The following INCENP variants were observed in gnomAD, a reference collection of about 807,000 sequenced individuals.
The protein encoded by INCENP is binds and activates aurora-B and -C in vivo and in vitro.
In INCENP, 43 loss-of-function variants were observed where a neutral mutation model predicts 107.3. The observed-to-expected ratio is 0.40, with a 90% CI of 0.31 to 0.52. The LOEUF (loss-of-function observed/expected upper bound fraction) is 0.52, where lower values mean the gene tolerates loss of function less well. INCENP is among the 20% of genes least tolerant of loss of function. The pLI, the probability that INCENP is intolerant of heterozygous loss-of-function variation, is 0.53. For synonymous variants in INCENP, 488 were observed against 494.4 expected, an observed-to-expected ratio of 0.99 and a Z score of 0.17; for missense variants, 1,089 against 1,250.9, an observed-to-expected ratio of 0.87 and a Z score of 1.95.
chr11:62,132,063 A>C (rs778539767), intron 4 of INCENP, among the ~76,000 whole-genome samples: 50 of 152,248 alleles, frequency 3.3e-4, no homozygotes, highest in Non-Finnish European at 6.9e-4. Flanking sequence ...TGCCGGGATT[A>C]CAAGTGTGAG....
At chr11:62,141,366 A>G in intron 10 of INCENP, 134 bp from the exon 11 acceptor site, 1 of 1,131,710 alleles carries the variant, frequency 8.8e-7, no homozygotes, top group Non-Finnish European at 1.3e-6. Context: ...GTGACAGGAG[A>G]GGCGGTGGGG....
chr11:62,149,944 C>T, intron 17 of INCENP, 113 bp from the exon 18 acceptor site: 1 of 1,048,798 alleles, frequency 9.5e-7, no homozygotes, highest in Non-Finnish European at 1.4e-6. Context: ...AGTGATCCTG[C>T]ACCTTTTGTT....
Position 62,146,801 on chromosome 11 carries a change from G to A in INCENP, c.2103G>A (p.Glu701=). ...ERREQERREQ[E]RREQERREQE... Reference sequence around the variant, plus strand: ...GGGAGCAGGAGCGGCGCGAGCAGGAGCGGCGCGAGCAGGAGCGGCGGGAGC... The same window carrying A: ...GGGAGCAGGAGCGGCGCGAGCAGGAACGGCGCGAGCAGGAGCGGCGGGAGC... The change falls in exon 15 of 19, where the codon GAG becomes GAA. Residue 701 remains glutamate, a synonymous_variant. Transcript: ENST00000394818. The A allele has an allele frequency of 6.5e-7, 1 of 1,536,110 alleles. No individual in the cohort carries two copies. Among genetic ancestry groups the A allele is most frequent in the Non-Finnish European group, 8.8e-7 (1 of 1,138,348 alleles).
intron 13 of INCENP, 99 bp downstream of exon 13, chr11:62,145,388 G>A (rs1032448088): frequency 1.4e-5 from 21 of 1,533,804 alleles, no homozygotes; most frequent in East Asian, 6.8e-5. Context: ...CTGTACCCCT[G>A]TACCCATCTC....
At chr11:62,144,349 G>A (rs117660950) in intron 11 of INCENP, among the ~76,000 whole-genome samples, 20 of 141,654 alleles carry the variant, frequency 1.4e-4, no homozygotes, top group African/African-American at 3.8e-4. Context: ...AAAAAAAAAA[G>A]AAAAAAAAGT....
intron 4 of INCENP, among the ~76,000 whole-genome samples, chr11:62,135,220 T>C (rs1015977568): frequency 1.3e-5 from 2 of 152,172 alleles, no homozygotes; most frequent in African/African-American, 2.4e-5. Context: ...TCTGAAACCA[T>C]GTTGCTGATT....
chr11:62,148,979 C>A, intron 17 of INCENP, 133 bp downstream of exon 17: 1 of 492,804 alleles, frequency 2.0e-6, no homozygotes, highest in South Asian at 4.1e-5. Flanking sequence ...ATTGTTTTTA[C>A]TTCTTTTTAT....
intron 2 of INCENP, 53 bp downstream of exon 2, chr11:62,128,354 T>C: frequency 6.2e-7 from 1 of 1,609,392 alleles, no homozygotes. Context: ...TCTGGGCTGC[T>C]TTGGTCTTGG....
intron 4 of INCENP, among the ~76,000 whole-genome samples, chr11:62,137,151 C>T (rs1290036360): frequency 1.3e-5 from 2 of 152,078 alleles, no homozygotes; most frequent in Non-Finnish European, 2.9e-5. Flanking sequence ...GTCAGGAGTT[C>T]GAGACCAGAC....
rs1047738 is a variant in INCENP, at chr11:62,152,043, C to G, written c.*67C>G. ...TGTCTATCTGTCTGTCTGTCGGTCT[C>G]TGTCTTGGTCTGTTGCCCTCCTTCT... is the stretch of plus-strand genomic sequence containing the variant. On this transcript the variant is annotated 3_prime_UTR_variant, in exon 19 of 19. Coordinates refer to ENST00000394818, the MANE Select transcript of INCENP (RefSeq NM_001040694.2). 431,323 of 1,258,710 alleles carry G rather than the reference C, an allele frequency of 0.34. 83,046 individuals are homozygous for G. The highest frequency in any genetic ancestry group is 0.4 in the Non-Finnish European group (356,629 of 895,568). 78.0% of individuals were successfully genotyped at this position (1,258,710 alleles called of 1,614,324 possible). A position where few individuals can be genotyped will look rare whatever the true frequency, so the allele number is the denominator to read the frequency against.
intron 4 of INCENP, among the ~76,000 whole-genome samples, chr11:62,134,019 C>G (rs1943942152): frequency 6.6e-6 from 1 of 152,186 alleles, no homozygotes; most frequent in African/African-American, 2.4e-5. Flanking sequence ...AAAAAAGCCT[C>G]TTTTTTTCCT....
intron 1 of INCENP, among the ~76,000 whole-genome samples, chr11:62,127,539 G>C (rs896520672): frequency 6.6e-6 from 1 of 152,242 alleles, no homozygotes; most frequent in South Asian, 2.1e-4. Flanking sequence ...GGCCCCTTGA[G>C]GGCATATCTC....
intron 2 of INCENP, 93 bp downstream of exon 2, chr11:62,128,394 C>G: frequency 7.0e-7 from 1 of 1,426,864 alleles, no homozygotes; most frequent in Non-Finnish European, 9.7e-7. Context: ...CCCCGCCTAC[C>G]TGGCAAAACA....
Position 62,140,091 on chromosome 11 carries a change from G to A in INCENP, c.1292-143G>A, listed in dbSNP as rs548740799. 6.9e-4 allele frequency: 480 copies of A among 693,866 alleles called. 2 individuals carry two copies. The African/African-American group carries it at 7.7e-3, about 11-fold the overall frequency. The allele number at this position is 693,866 out of a possible 1,614,324, so 43.0% of individuals were successfully genotyped here. ...TCAGGGTTAAGGCTGATATGTCTGC[G>A]TTTGGCCACCCCGGAGCTGCCAGGA... On this transcript the variant is annotated intron_variant, in intron 7 of 18. Transcript: ENST00000394818.
chr11:62,137,916 AG>A, intron 5 of INCENP, 33 bp downstream of exon 5: 1 of 1,581,518 alleles, frequency 6.3e-7, no homozygotes, highest in South Asian at 1.1e-5. Context: ...GGAGGTAGGC[AG>A]GGCATACCAG....
intron 18 of INCENP, among the ~76,000 whole-genome samples, chr11:62,150,645 G>A (rs1479609697): frequency 1.3e-4 from 20 of 152,182 alleles, no homozygotes; most frequent in Admixed American, 1.3e-3. Flanking sequence ...GCCAGCTCGG[G>A]GAGGCAGGAA....
intron 4 of INCENP, 53 bp from the exon 5 acceptor site, chr11:62,137,779 G>A (rs1438256220): frequency 6.4e-7 from 1 of 1,556,252 alleles, no homozygotes; most frequent in East Asian, 2.2e-5. Flanking sequence ...CCCTTAGAGT[G>A]GGACCTGTGT....
At chr11:62,149,164 C>CCTCT (rs10608140) in intron 17 of INCENP, among the ~76,000 whole-genome samples, 1 of 149,986 alleles carries the variant, frequency 6.7e-6, no homozygotes, top group Non-Finnish European at 1.5e-5. Context: ...ACACAGATAT[C>CCTCT]CTCTCTCTCT....
In INCENP at chr11:62,141,502, CAG is replaced by C; in HGVS notation, c.1597_1598del (p.Ser533LeufsTer42). ...CTTTTCCCTTGTCTCCTCCACAGTG[CAG>C]CTTCGTCGTAAGTAAAGCCTTTTCC... ...NTPLRMDPKC[S>X]FVEKERQRLE... On this transcript the variant is annotated frameshift_variant, in exon 11 of 19. Transcript: ENST00000394818. LOFTEE classifies it high-confidence loss of function. 6.2e-7 allele frequency: 1 copy of C among 1,614,038 alleles called. No individual in the cohort carries two copies. The highest frequency in any genetic ancestry group is 8.5e-7 in the Non-Finnish European group (1 of 1,179,888).
Sources: gnomAD v4.1 joint callset for allele counts (sites outside exome capture counted in the v4.1 genomes callset) on GRCh38, gnomAD v4.1.1 for gene constraint, MANE v1.5 for transcripts, NCBI Gene and HGNC (gene_info 2026-07-23, HGNC 2026-07-21) for gene names.